INSL6: variants seen among roughly 807,000 people sequenced by gnomAD.
INSL6 encodes the protein insulin-like peptide INSL6.
INSL6 carries 16 observed loss-of-function variants against 9.4 expected under a neutral mutation model. That is an observed-to-expected ratio of 1.70 (90% CI 1.15 to 2.59). The LOEUF is 2.59. INSL6 is among the 30% of genes most tolerant of loss of function. The pLI is 0.00. For synonymous variants in INSL6, 154 were observed against 96.9 expected (o/e 1.59, Z -3.46); for missense variants, 391 against 257.3 (o/e 1.52, Z -3.56).
chr9:5,139,533 G>T (rs1037555828), intron 2 of INSL6, among the ~76,000 whole-genome samples: 1 of 152,146 alleles, frequency 6.6e-6, no homozygotes, highest in Non-Finnish European at 1.5e-5. Context: ...ACACTCTCAA[G>T]TCTAGACACA....
At chr9:5,081,967 AG>A in the INSL6 span, 4 of 893,008 alleles carry the variant, frequency 4.5e-6, no homozygotes, top group African/African-American at 1.3e-4. Flanking sequence ...GAGTGCTTGT[AG>A]AAAAAAAAGG....
the INSL6 span, among the ~76,000 whole-genome samples, chr9:5,074,259 C>G: frequency 1.4e-4 from 22 of 152,056 alleles, no homozygotes; most frequent in East Asian, 3.5e-3. Context: ...AAGTATAAAT[C>G]GTACCCCATG....
At chr9:5,013,712 T>C in the INSL6 span, among the ~76,000 whole-genome samples, 1 of 152,254 alleles carries the variant, frequency 6.6e-6, no homozygotes, top group African/African-American at 2.4e-5. Flanking sequence ...GTGAAACTTC[T>C]AAAACCTTTC....
At chr9:5,012,720 G>A in the INSL6 span, among the ~76,000 whole-genome samples, 10 of 152,174 alleles carry the variant, frequency 6.6e-5, no homozygotes, top group African/African-American at 2.2e-4. Context: ...GGCAGATGAG[G>A]TTCTTTGTTG....
chr9:5,130,701 CTTTTTTTTA>C (rs1214972196), intron 3 of INSL6, among the ~76,000 whole-genome samples: 1,577 of 150,570 alleles, frequency 0.01, 22 homozygotes, highest in African/African-American at 0.034. Flanking sequence ...TATGAATTTT[CTTTTTTTTA>C]TTTTTTTTAT....
At chr9:5,010,838 C>T in the INSL6 span, among the ~76,000 whole-genome samples, 1 of 152,078 alleles carries the variant, frequency 6.6e-6, no homozygotes, top group Non-Finnish European at 1.5e-5. Flanking sequence ...ATTTGTTTTG[C>T]CTTGAATTTT....
chr9:5,074,217 G>C, the INSL6 span, among the ~76,000 whole-genome samples: 1 of 151,750 alleles, frequency 6.6e-6, no homozygotes, highest in African/African-American at 2.4e-5. Context: ...TATATTTTTT[G>C]GCTAAATTTA....
the INSL6 span, among the ~76,000 whole-genome samples, chr9:5,025,619 C>T: frequency 2.9e-3 from 443 of 151,564 alleles, no homozygotes; most frequent in African/African-American, 0.01. Context: ...CTGCCACCTC[C>T]GCCTTCCAAG....
chr9:5,165,573 T>A lies in INSL6; in HGVS notation c.290-1308A>T, dbSNP rs12338763. On this transcript the variant is annotated intron_variant, in intron 1 of 1. Coordinates refer to ENST00000381641, the MANE Select transcript of INSL6 (RefSeq NM_007179.3). The stretch of plus-strand genomic sequence containing the variant: ...TTATTATATATCCTCTTTGAAGAAA[T>A]GTCTCTTCAAATCCTTTGCCCATTT... 2.2e-3 allele frequency among the ~76,000 whole-genome samples: 341 copies of A among 152,336 alleles called. 2 individuals are homozygous for A. The highest frequency in any genetic ancestry group is 7.8e-3 in the African/African-American group (325 of 41,576).
intron 2 of INSL6, among the ~76,000 whole-genome samples, chr9:5,136,005 A>G (rs1249880103): frequency 6.6e-6 from 1 of 152,248 alleles, no homozygotes; most frequent in African/African-American, 2.4e-5. Context: ...CCTCTATGCA[A>G]ATAAACTAGA....
the INSL6 span, among the ~76,000 whole-genome samples, chr9:5,049,608 T>C: frequency 6.6e-6 from 1 of 152,242 alleles, no homozygotes; most frequent in Non-Finnish European, 1.5e-5. Flanking sequence ...TCTGGTGTTA[T>C]AATTATTTGC....
At chr9:5,167,830 G>C (rs891412077) in intron 1 of INSL6, among the ~76,000 whole-genome samples, 15 of 152,148 alleles carry the variant, frequency 9.9e-5, no homozygotes, top group African/African-American at 3.6e-4. Flanking sequence ...GCTGGCATCA[G>C]GTTAGCACCC....
the INSL6 span, among the ~76,000 whole-genome samples, chr9:5,106,881 A>C: frequency 2.0e-5 from 3 of 152,052 alleles, no homozygotes; most frequent in Non-Finnish European, 4.4e-5. Flanking sequence ...AGGGAACATC[A>C]CACAAAGGGG....
At chr9:5,130,576 T>C (rs529707018) in intron 3 of INSL6, among the ~76,000 whole-genome samples, 8 of 152,286 alleles carry the variant, frequency 5.3e-5, no homozygotes, top group Admixed American at 2.0e-4. Context: ...GTTGTATACA[T>C]AGATGAAAAT....
chr9:5,087,664 G>A, the INSL6 span, among the ~76,000 whole-genome samples: 96 of 152,300 alleles, frequency 6.3e-4, no homozygotes, highest in African/African-American at 2.2e-3. Context: ...AATGATCATT[G>A]TTGGCAGGGA....
intron 1 of INSL6, among the ~76,000 whole-genome samples, chr9:5,167,098 G>C (rs1023896458): frequency 3.9e-5 from 6 of 152,130 alleles, no homozygotes; most frequent in Non-Finnish European, 5.9e-5. Flanking sequence ...GCGTGACTCA[G>C]AGAGAGCAAG....
chr9:5,112,790 G>A, the INSL6 span: 1 of 571,704 alleles, frequency 1.7e-6, no homozygotes, highest in Non-Finnish European at 2.8e-6. Context: ...CCCCCAGATG[G>A]TGCTTTCAGC....
At chr9:5,037,291 C>G in the INSL6 span, among the ~76,000 whole-genome samples, 1 of 152,116 alleles carries the variant, frequency 6.6e-6, no homozygotes, top group Admixed American at 6.5e-5. Flanking sequence ...TTGTGGAAGT[C>G]AGTGTGGCGA....
downstream of INSL6, among the ~76,000 whole-genome samples, chr9:5,120,782 A>T (rs938856988): frequency 6.6e-6 from 1 of 152,232 alleles, no homozygotes; most frequent in African/African-American, 2.4e-5. Context: ...TTAGTGGGTC[A>T]TTAGACACTG....
Sources: allele counts gnomAD v4.1 joint callset (sites outside exome capture counted in the v4.1 genomes callset), GRCh38; gene constraint gnomAD v4.1.1; transcripts MANE v1.5; gene names NCBI Gene and HGNC (gene_info 2026-07-23, HGNC 2026-07-21).